The following TSFM variants were observed in gnomAD, a reference collection of about 807,000 sequenced individuals.
TSFM encodes elongation factor Ts, mitochondrial.
TSFM carries 29 observed loss-of-function variants against 33.4 expected under a neutral mutation model. That is an observed-to-expected ratio of 0.87 (90% CI 0.65 to 1.18). The LOEUF is 1.18. Among genes scored for constraint, TSFM ranks in the 50% most tolerant of loss-of-function variants. TSFM has a pLI of 0.00. For missense variants in TSFM, 394 were observed against 395.6 expected, an observed-to-expected ratio of 1.00 and a Z score of 0.04; for synonymous variants, 178 against 163.5, an observed-to-expected ratio of 1.09 and a Z score of -0.68.
chr12:57,802,635 C>A (rs1467731034), downstream of TSFM: 3 of 675,104 alleles, frequency 4.4e-6, no homozygotes, highest in Non-Finnish European at 5.3e-6. Context: ...CTCTTGACTG[C>A]TCTAAGCACC....
rs1228806754 is a variant in TSFM, at chr12:57,784,178, T to C, written c.231+895T>C. 4.3e-6 allele frequency: 3 copies of C among 700,608 alleles called. No homozygotes were observed. In the Admixed American group the frequency reaches 6.0e-5, roughly 14 times the overall value. 43.4% of individuals were successfully genotyped at this position (700,608 alleles called of 1,614,324 possible). A position where few individuals can be genotyped will look rare whatever the true frequency, so the allele number is the denominator to read the frequency against. ...GGCAGTTGTAACACAGTGGTAAGTA[T>C]TGTGTATCTAAACATAGAAAAAGTA... On this transcript the variant is annotated intron_variant, in intron 2 of 5. Coordinates refer to ENST00000652027, the MANE Select transcript of TSFM (RefSeq NM_005726.6).
chr12:57,800,097 A>G (rs569003294), downstream of TSFM: 1 of 847,324 alleles, frequency 1.2e-6, no homozygotes, highest in Middle Eastern at 3.1e-4. Context: ...GGGAATAGAA[A>G]ATATTCAGAT....
downstream of TSFM, among the ~76,000 whole-genome samples, chr12:57,798,923 T>A (rs1291019343): frequency 6.6e-6 from 1 of 152,204 alleles, no homozygotes; most frequent in Admixed American, 6.5e-5. Context: ...CCAAGAAATT[T>A]ATTCTTTTAA....
intron 4 of TSFM, among the ~76,000 whole-genome samples, chr12:57,789,260 G>C (rs1053204281): frequency 6.7e-6 from 1 of 149,312 alleles, no homozygotes; most frequent in African/African-American, 2.5e-5. Flanking sequence ...CACTGCACCC[G>C]GTCATCATCA....
chr12:57,785,211 C>T lies in TSFM; in HGVS notation c.232-952C>T, dbSNP rs2140416085. On this transcript the variant is annotated intron_variant, in intron 2 of 5. Coordinates refer to ENST00000652027, the MANE Select transcript of TSFM (RefSeq NM_005726.6). ...AAAGTGTCGGGATTACAGGCGTGAG[C>T]CACAGCGCCTGGCCAAAACTTTTTT... Among the ~76,000 whole-genome samples the T allele has an allele frequency of 1.3e-5, 2 of 152,244 alleles. 1 individual carries two copies. Among genetic ancestry groups the T allele is most frequent in the Admixed American group, 1.3e-4 (2 of 15,300 alleles).
In TSFM at chr12:57,793,007, C is replaced by G. The variant is rs558036154; in HGVS notation, c.505C>G (p.Leu169Val). The change falls in exon 5 of 6, where the codon CTT (leucine) becomes GTT (valine). Residue 169 changes from leucine (L) to valine (V), a missense_variant. Transcript: ENST00000652027. ...YSKGFLNSSE[L>V]SGLPAGPDRE... The stretch of plus-strand genomic sequence containing the variant: ...TTAGGGTTTCTTGAATTCCTCTGAG[C>G]TTTCTGGACTTCCAGCTGGGCCTGA... The G allele has an allele frequency of 1.2e-6, 2 of 1,613,812 alleles. No homozygotes were observed. The highest frequency in any genetic ancestry group is 2.7e-5 in the African/African-American group (2 of 75,056).
chr12:57,790,359 C>T (rs1272828714), intron 4 of TSFM, among the ~76,000 whole-genome samples: 2 of 152,050 alleles, frequency 1.3e-5, no homozygotes, highest in East Asian at 1.9e-4. Context: ...TGAACCACTG[C>T]GCCTGGCCAG....
intron 4 of TSFM, among the ~76,000 whole-genome samples, chr12:57,789,049 C>T (rs1955627491): frequency 6.6e-6 from 1 of 150,694 alleles, no homozygotes; most frequent in Non-Finnish European, 1.5e-5. Flanking sequence ...TGCAACCTCT[C>T]CCTCCCAGTT....
intron 2 of TSFM, 132 bp downstream of exon 2, chr12:57,783,415 G>A: frequency 8.5e-7 from 1 of 1,175,148 alleles, no homozygotes; most frequent in Non-Finnish European, 1.3e-6. Context: ...TGGAAATCTG[G>A]CTTAAATGAC....
rs551636585 is a variant in TSFM at position 57,791,953 on chromosome 12, G to A, written c.484-1033G>A. 78 of 375,922 alleles carry A rather than the reference G, an allele frequency of 2.1e-4. No homozygotes were observed. The highest frequency in any genetic ancestry group is 1.6e-3 in the African/African-American group (74 of 46,818). 23.3% of individuals were successfully genotyped at this position (375,922 alleles called of 1,614,324 possible). A position where few individuals can be genotyped will look rare whatever the true frequency, so the allele number is the denominator to read the frequency against. On this transcript the variant is annotated intron_variant, in intron 4 of 5. Transcript: ENST00000652027. The stretch of plus-strand genomic sequence containing the variant: ...CATTTTATGATTTTATGAAAATATT[G>A]TTCTTGGCCAGGTGCAGTGGCTCAC...
At chr12:57,794,744 C>T (rs1955707897) in intron 5 of TSFM, among the ~76,000 whole-genome samples, 1 of 152,162 alleles carries the variant, frequency 6.6e-6, no homozygotes, top group Non-Finnish European at 1.5e-5. Flanking sequence ...GTGCCAGATA[C>T]TATAGTTAAT....
chr12:57,782,896 T>G (rs1391056127), intron 1 of TSFM, 38 bp downstream of exon 1: 8 of 1,564,878 alleles, frequency 5.1e-6, no homozygotes, highest in Admixed American at 1.9e-5. Flanking sequence ...CTGCTGTCCC[T>G]GCAGCTCTCC....
At position 57,783,494 on chromosome 12, in the gene TSFM, AC is replaced by A. The variant is rs1272851123; in HGVS notation, c.231+212del. The A allele has an allele frequency of 2.2e-5, 16 of 715,234 alleles. 1 individual carries two copies. The highest frequency in any genetic ancestry group is 1.5e-4 in the South Asian group (10 of 67,270). 44.3% of individuals were successfully genotyped at this position (715,234 alleles called of 1,614,324 possible). On this transcript the variant is annotated intron_variant, in intron 2 of 5. Transcript: ENST00000652027. Reference sequence around the variant, plus strand: ...CCCAGGATTAACAAACCAGACTGTTACGGTGTTTCTTGTTGCCTGGAGCTGA... The same window carrying A: ...CCCAGGATTAACAAACCAGACTGTTAGGTGTTTCTTGTTGCCTGGAGCTGA...
In TSFM at chr12:57,797,052, CTCT is replaced by C; in HGVS notation, c.*474_*476del. The C allele has an allele frequency of 1.0e-6, 1 of 985,470 alleles. No individual in the cohort carries two copies. The highest frequency in any genetic ancestry group is 5.2e-4 in the Middle Eastern group (1 of 1,914). The allele number at this position is 985,470 out of a possible 1,614,324, so 61.0% of individuals were successfully genotyped here. A position where few individuals can be genotyped will look rare whatever the true frequency, so the allele number is the denominator to read the frequency against. ...TAGAGTTGTCTGGAAAATGTGGGTT[CTCT>C]TCTTTGTGATTGTCTGTAGTATGCT... On this transcript the variant is annotated 3_prime_UTR_variant, in exon 6 of 6. Transcript: ENST00000652027.
intron 4 of TSFM, among the ~76,000 whole-genome samples, chr12:57,789,558 G>A (rs1327656795): frequency 2.6e-5 from 4 of 151,556 alleles, no homozygotes; most frequent in Non-Finnish European, 4.4e-5. Context: ...TAGAAATGGG[G>A]TTTTGCCATG....
At chr12:57,798,892 G>A (rs1473886945), downstream of TSFM, among the ~76,000 whole-genome samples, 2 of 152,134 alleles carry the variant, frequency 1.3e-5, no homozygotes, top group African/African-American at 4.8e-5. Context: ...TGGGATTACA[G>A]GTATGAGCCA....
At chr12:57,795,285 A>G (rs1955718639) in intron 5 of TSFM, among the ~76,000 whole-genome samples, 1 of 151,182 alleles carries the variant, frequency 6.6e-6, no homozygotes, top group Non-Finnish European at 1.5e-5. Context: ...TTTTTAGTAG[A>G]GACGGGGTTT....
chr12:57,783,488 A>T (rs1034573732), intron 2 of TSFM: 11 of 719,210 alleles, frequency 1.5e-5, no homozygotes, highest in Non-Finnish European at 2.8e-5. Flanking sequence ...AACAAACCAG[A>T]CTGTTACGGT....
At chr12:57,790,982 G>A (rs1734164558) in intron 4 of TSFM, among the ~76,000 whole-genome samples, 1 of 149,268 alleles carries the variant, frequency 6.7e-6, no homozygotes, top group Non-Finnish European at 1.5e-5. Flanking sequence ...GCTGGATTAT[G>A]GGCATGAGCC....
Sources: gnomAD v4.1 joint callset for allele counts (sites outside exome capture counted in the v4.1 genomes callset) on GRCh38, gnomAD v4.1.1 for gene constraint, MANE v1.5 for transcripts, NCBI Gene and HGNC (gene_info 2026-07-23, HGNC 2026-07-21) for gene names.